The following ABLIM2 variants were observed in gnomAD, a reference collection of about 807,000 sequenced individuals.
ABLIM2 encodes actin binding LIM protein family member 2.
Under a neutral mutation model 97.7 loss-of-function variants are expected in ABLIM2, and 53 were observed. That is an observed-to-expected ratio of 0.54 (90% CI 0.44 to 0.68). The LOEUF (loss-of-function observed/expected upper bound fraction) is 0.68, where lower values mean the gene tolerates loss of function less well. Ranked by LOEUF, ABLIM2 falls within the 30% of genes least tolerant of loss-of-function variation. ABLIM2 has a pLI of 0.00. For missense variants in ABLIM2, 835 were observed against 867.2 expected (o/e 0.96, Z 0.47); for synonymous variants, 361 against 345.8 (o/e 1.04, Z -0.49).
At chr4:8,049,542 G>A (rs1794691706) in intron 8 of ABLIM2, among the ~76,000 whole-genome samples, 1 of 152,128 alleles carries the variant, frequency 6.6e-6, no homozygotes, top group African/African-American at 2.4e-5. Flanking sequence ...CCTCCCTTTG[G>A]AATTCAGGAA....
chr4:8,069,069 G>A lies in ABLIM2; in HGVS notation c.676-8015C>T, dbSNP rs1296526307. 6.6e-6 allele frequency among the ~76,000 whole-genome samples: 1 copy of A among 152,198 alleles called. No homozygotes were observed. The highest frequency in any genetic ancestry group is 2.4e-5 in the African/African-American group (1 of 41,450). On this transcript the variant is annotated intron_variant, in intron 6 of 20. Coordinates refer to ENST00000447017, the MANE Select transcript of ABLIM2 (RefSeq NM_001130083.2). This position sits in a 1 kb window ranked among gnomAD's most constrained non-coding sequence, Gnocchi z 4.2. ...CCTCCCCAGACCTTCCACACCCTCT[G>A]GAACACAGCTCCTCTTGGCCCCAGG...
At chr4:8,011,720 C>G (rs867689271) in intron 14 of ABLIM2, among the ~76,000 whole-genome samples, 1 of 152,242 alleles carries the variant, frequency 6.6e-6, no homozygotes, top group South Asian at 2.1e-4. Context: ...TTTTGTATCA[C>G]ACAGGCAGCT....
At chr4:8,014,497 T>C (rs1047769022) in intron 14 of ABLIM2, among the ~76,000 whole-genome samples, 1 of 152,166 alleles carries the variant, frequency 6.6e-6, no homozygotes, top group Non-Finnish European at 1.5e-5. Context: ...TGTGTGTGTG[T>C]GTATGTGAGT....
chr4:8,052,232 C>A (rs57007308), intron 8 of ABLIM2, among the ~76,000 whole-genome samples: 4 of 152,096 alleles, frequency 2.6e-5, no homozygotes, highest in Admixed American at 1.3e-4. Flanking sequence ...GTGGCCTTGG[C>A]GTGAGAGGCT....
chr4:8,007,698 T>G, intron 16 of ABLIM2: 1 of 1,040,902 alleles, frequency 9.6e-7, no homozygotes, highest in East Asian at 8.3e-5. Context: ...AGCCGGACCA[T>G]GCCCATGTCT....
intron 5 of ABLIM2, among the ~76,000 whole-genome samples, chr4:8,080,450 C>T (rs1309472204): frequency 2.6e-5 from 4 of 152,186 alleles, no homozygotes; most frequent in East Asian, 1.9e-4. Context: ...CTGCAAATGC[C>T]GTTAGAGAAG....
At position 8,123,459 on chromosome 4, in the gene ABLIM2, T is replaced by A. The variant is rs1002185454; in HGVS notation, c.11-16822A>T. 6.6e-6 allele frequency among the ~76,000 whole-genome samples: 1 copy of A among 152,118 alleles called. No individual in the cohort carries two copies. Among genetic ancestry groups the A allele is most frequent in the Non-Finnish European group, 1.5e-5 (1 of 68,012 alleles). On this transcript the variant is annotated intron_variant, in intron 1 of 20. Coordinates refer to ENST00000447017, the MANE Select transcript of ABLIM2 (RefSeq NM_001130083.2). This position sits in a 1 kb window ranked among gnomAD's most constrained non-coding sequence, Gnocchi z 6.2. ...CTGCCCTCCCGTCTCCCCCTCAAAT[T>A]CCTGACCCTTCTCATGTTCTCCTGA... is the stretch of plus-strand genomic sequence containing the variant.
chr4:8,014,109 C>T (rs1473785725), intron 14 of ABLIM2, among the ~76,000 whole-genome samples: 2 of 152,246 alleles, frequency 1.3e-5, no homozygotes, highest in African/African-American at 4.8e-5. Context: ...TTTTCTCTGC[C>T]TCCAGTGCAG....
At position 8,033,957 on chromosome 4, in the gene ABLIM2, C is replaced by T. The variant is rs913679624; in HGVS notation, c.1047+2192G>A. ...GAGCCCTCCCACAGGGACACACGCACTCAAACCAGGAAGGGGTGTGCCCGA... is the reference window on the plus strand; with the variant it reads ...GAGCCCTCCCACAGGGACACACGCATTCAAACCAGGAAGGGGTGTGCCCGA... On this transcript the variant is annotated intron_variant, in intron 10 of 20. Coordinates refer to ENST00000447017, the MANE Select transcript of ABLIM2 (RefSeq NM_001130083.2). The surrounding 1 kb of genome is among the most constrained non-coding windows in gnomAD (Gnocchi z 4.5). Among the ~76,000 whole-genome samples, 3 of 152,204 alleles carry T rather than the reference C, an allele frequency of 2.0e-5. No homozygotes were observed. The highest frequency in any genetic ancestry group is 7.2e-5 in the African/African-American group (3 of 41,448).
At position 8,082,817 on chromosome 4, in the gene ABLIM2, A is replaced by G. The variant is rs1208271096; in HGVS notation, c.455-2015T>C. On this transcript the variant is annotated intron_variant, in intron 4 of 20. Transcript: ENST00000447017. The surrounding 1 kb of genome is among the most constrained non-coding windows in gnomAD (Gnocchi z 5.6). ...TTCTCAAGTCCAGGAGGCGACCCCC[A>G]CATCACCCAATCTGCCGCGCTCCTT... Among the ~76,000 whole-genome samples the G allele has an allele frequency of 1.3e-5, 2 of 152,118 alleles. No homozygotes were observed. The highest frequency in any genetic ancestry group is 1.9e-4 in the East Asian group (1 of 5,184).
intron 1 of ABLIM2, among the ~76,000 whole-genome samples, chr4:8,156,725 G>A (rs1253156941): frequency 6.6e-6 from 1 of 152,206 alleles, no homozygotes; most frequent in African/African-American, 2.4e-5. Context: ...GTGTGGGGAG[G>A]GCCACAGGGG....
intron 20 of ABLIM2, among the ~76,000 whole-genome samples, chr4:7,977,839 G>C (rs1035140732): frequency 6.3e-5 from 8 of 127,550 alleles, no homozygotes; most frequent in African/African-American, 2.1e-4. Flanking sequence ...AGGTGGGGCA[G>C]ATCAGCATTG....
At chr4:8,026,070 C>A (rs897187882) in intron 12 of ABLIM2, among the ~76,000 whole-genome samples, 2 of 152,208 alleles carry the variant, frequency 1.3e-5, no homozygotes, top group African/African-American at 2.4e-5. Flanking sequence ...TGCAGTGGCA[C>A]AATCGTAGCT....
intron 16 of ABLIM2, among the ~76,000 whole-genome samples, chr4:7,995,632 G>C (rs949866676): frequency 6.6e-6 from 1 of 152,202 alleles, no homozygotes; most frequent in Non-Finnish European, 1.5e-5. Flanking sequence ...TTTGCAACAC[G>C]GTAGCCAGTG....
In ABLIM2 at chr4:8,035,080, CAGGTAGGTGGGTGCAGATGGGTGGTTGGT is replaced by C. The variant is rs1464368451; in HGVS notation, c.1047+1040_1047+1068del. Among the ~76,000 whole-genome samples, 4 of 69,212 alleles carry C rather than the reference CAGGTAGGTGGGTGCAGATGGGTGGTTGGT, an allele frequency of 5.8e-5. No homozygotes were observed. In the East Asian group the frequency reaches 2.1e-3, roughly 37 times the overall value. The allele number at this position is 69,212 out of a possible 152,430, so 45.4% of individuals were successfully genotyped here. A position where few individuals can be genotyped will look rare whatever the true frequency, so the allele number is the denominator to read the frequency against. ...TAGGTGGGTGCAGGTGAGTGGGTGG[CAGGTAGGTGGGTGCAGATGGGTGGTTGGT>C]AGGTGGGTGTGGGTCGTGATGCCTT... is the stretch of plus-strand genomic sequence containing the variant. On this transcript the variant is annotated intron_variant, in intron 10 of 20. Transcript: ENST00000447017.
Position 8,120,443 on chromosome 4 carries a change from T to C in ABLIM2, c.11-13806A>G, listed in dbSNP as rs749730302. Reference sequence around the variant, plus strand: ...AACCCCAGACAATCCCCCGTCTGTGTGTTTTGTCGTGGCAGCATGGGAAAC... The same window carrying C: ...AACCCCAGACAATCCCCCGTCTGTGCGTTTTGTCGTGGCAGCATGGGAAAC... On this transcript the variant is annotated intron_variant, in intron 1 of 20. Transcript: ENST00000447017. This position sits in a 1 kb window ranked among gnomAD's most constrained non-coding sequence, Gnocchi z 5.6. Among the ~76,000 whole-genome samples the C allele has an allele frequency of 1.3e-5, 2 of 152,108 alleles. No homozygotes were observed. The highest frequency in any genetic ancestry group is 2.9e-5 in the Non-Finnish European group (2 of 68,028).
rs1305041376 is a variant in ABLIM2 at position 8,087,725 on chromosome 4, A to ACATTAGATGGGAAAGCAGCAGTGGG, written c.454+419_454+443dup. ...GCATTAGATGGGAAAGCAGCAGTGG[A>ACATTAGATGGGAAAGCAGCAGTGGG]CATTAGATGGGAAAGCAGCAGTGGG... On this transcript the variant is annotated intron_variant, in intron 4 of 20. Transcript: ENST00000447017. The surrounding 1 kb of genome is among the most constrained non-coding windows in gnomAD (Gnocchi z 4.6). Among the ~76,000 whole-genome samples, 3 of 151,256 alleles carry ACATTAGATGGGAAAGCAGCAGTGGG rather than the reference A, an allele frequency of 2.0e-5. No homozygotes were observed. Among genetic ancestry groups the ACATTAGATGGGAAAGCAGCAGTGGG allele is most frequent in the Non-Finnish European group, 3.0e-5 (2 of 67,764 alleles).
Position 8,058,902 on chromosome 4 carries a change from G to A in ABLIM2, c.763+2065C>T, listed in dbSNP as rs1432876451. Among the ~76,000 whole-genome samples the A allele has an allele frequency of 1.3e-5, 2 of 151,916 alleles. No individual in the cohort carries two copies. Among genetic ancestry groups the A allele is most frequent in the African/African-American group, 4.8e-5 (2 of 41,342 alleles). ...ACGACTCAGTCCTTAGCCTGTCTTC[G>A]GCAACCATCTTGTGGGGTCAGTTCA... On this transcript the variant is annotated intron_variant, in intron 7 of 20. Transcript: ENST00000447017. This position sits in a 1 kb window ranked among gnomAD's most constrained non-coding sequence, Gnocchi z 4.2.
rs35714487 is a variant in ABLIM2 at position 7,996,733 on chromosome 4, G to A, written c.1619-3806C>T. On this transcript the variant is annotated intron_variant, in intron 16 of 20. Coordinates refer to ENST00000447017, the MANE Select transcript of ABLIM2 (RefSeq NM_001130083.2). The surrounding 1 kb of genome is among the most constrained non-coding windows in gnomAD (Gnocchi z 4.5). ...TTTCTGTTTGGAGAAGATTCCTTAC[G>A]GGTAGCTCTGCAGGATATCTCACTG... Among the ~76,000 whole-genome samples the A allele has an allele frequency of 0.074, 11,247 of 152,180 alleles. 451 individuals carry two copies. Among genetic ancestry groups the A allele is most frequent in the Non-Finnish European group, 0.081 (5,502 of 68,010 alleles).
Sources: allele counts gnomAD v4.1 joint callset (sites outside exome capture counted in the v4.1 genomes callset), GRCh38; gene constraint gnomAD v4.1.1; non-coding constraint Gnocchi (gnomAD v3.1); transcripts MANE v1.5; gene names NCBI Gene and HGNC (gene_info 2026-07-23, HGNC 2026-07-21).